Variants in NTRK1 observed in about 807,000 individuals in gnomAD.
NTRK1 encodes neurotrophic receptor tyrosine kinase 1.
In NTRK1, 62 loss-of-function variants were observed where a neutral mutation model predicts 86.8. The observed-to-expected ratio is 0.71, with a 90% CI of 0.58 to 0.88. NTRK1 has a LOEUF of 0.88. Among genes scored for constraint, NTRK1 ranks in the 40% least tolerant of loss-of-function variants. NTRK1 has a pLI of 0.00. For synonymous variants in NTRK1, 469 were observed against 456.6 expected (o/e 1.03, Z -0.35); for missense variants, 967 against 1,078.4 (o/e 0.90, Z 1.45).
intron 3 of NTRK1, chr1:156,865,159 T>C (rs1655866501): frequency 6.0e-6 from 2 of 333,232 alleles, no homozygotes; most frequent in Admixed American, 7.9e-5. Flanking sequence ...CAGGGACTCA[T>C]TGACTTGGCC....
upstream of NTRK1, chr1:156,858,642 T>C: frequency 6.2e-7 from 1 of 1,608,390 alleles, no homozygotes; most frequent in Non-Finnish European, 8.5e-7. Flanking sequence ...CTGGCTTGTG[T>C]CCAGTCCCGG....
intron 2 of NTRK1, chr1:156,851,503 A>G: frequency 1.9e-6 from 3 of 1,607,464 alleles, no homozygotes; most frequent in Non-Finnish European, 2.6e-6. Flanking sequence ...AAGGGGGCTG[A>G]ATGGGGGCCC....
rs1028927434 is a variant in NTRK1, at chr1:156,855,485, G to A, written c.51-8869G>A. Reference sequence around the variant, plus strand: ...CTCCCAAAGTGCTGGGATTACAGGCGTGAACCACCACGCCCGGCCTGAACA... The same window carrying A: ...CTCCCAAAGTGCTGGGATTACAGGCATGAACCACCACGCCCGGCCTGAACA... On this transcript the variant is annotated intron_variant, in intron 2 of 16. Coordinates refer to the NTRK1 transcript ENST00000392302. 3.9e-5 allele frequency among the ~76,000 whole-genome samples: 6 copies of A among 152,000 alleles called. No individual in the cohort carries two copies. In the South Asian group the frequency reaches 6.2e-4, roughly 16 times the overall value.
intron 1 of NTRK1, chr1:156,840,862 T>C: frequency 6.3e-7 from 1 of 1,597,948 alleles, no homozygotes; most frequent in Non-Finnish European, 8.6e-7. Flanking sequence ...AGCCAGGGAA[T>C]GAGGTGCCCC....
At chr1:156,839,602 C>T (rs1654701010) in intron 1 of NTRK1, among the ~76,000 whole-genome samples, 1 of 152,212 alleles carries the variant, frequency 6.6e-6, no homozygotes, top group Admixed American at 6.5e-5. Flanking sequence ...ACAGACCCTG[C>T]TCTGCTGTGT....
upstream of NTRK1, chr1:156,858,950 C>A: frequency 3.3e-6 from 1 of 300,906 alleles, no homozygotes; most frequent in Non-Finnish European, 6.4e-6. Flanking sequence ...AAAAGGCAGG[C>A]CGAGAGGCCA....
intron 2 of NTRK1, chr1:156,846,157 T>G: frequency 6.5e-7 from 1 of 1,536,686 alleles, no homozygotes; most frequent in Non-Finnish European, 8.8e-7. Context: ...GGGGTGTGGG[T>G]CTTCCTCCTG....
chr1:156,852,216 C>T (rs761358913), intron 2 of NTRK1: 26 of 1,557,146 alleles, frequency 1.7e-5, no homozygotes, highest in South Asian at 4.9e-5. Flanking sequence ...GTGTGTTAGA[C>T]GTTGGCCATG....
intron 2 of NTRK1, chr1:156,844,620 G>T (rs758475457): frequency 6.2e-7 from 1 of 1,614,176 alleles, no homozygotes; most frequent in Middle Eastern, 1.6e-4. Context: ...CAGCACTGTG[G>T]CCTCCTGAGA....
intron 2 of NTRK1, chr1:156,843,378 C>G (rs1005032066): frequency 6.3e-7 from 1 of 1,599,330 alleles, no homozygotes. Context: ...CTCTGCTCCT[C>G]TCCTGTCTCC....
intron 2 of NTRK1, chr1:156,845,233 G>T: frequency 6.2e-7 from 1 of 1,610,318 alleles, no homozygotes. Flanking sequence ...CCTGGATCTC[G>T]AAATCCGAGC....
At chr1:156,826,738 A>G (rs1394366169) in intron 1 of NTRK1, among the ~76,000 whole-genome samples, 1 of 152,190 alleles carries the variant, frequency 6.6e-6, no homozygotes, top group Non-Finnish European at 1.5e-5. Flanking sequence ...TTAAACCCAA[A>G]ACATGGACTC....
Position 156,854,594 on chromosome 1 carries a change from C to A in NTRK1, c.51-9760C>A, listed in dbSNP as rs570313884. ...TTCATTCTTGCAGTCAGGCTCCCAA[C>A]GACTGCAAGCGACTCCCAGCGACTT... is the stretch of plus-strand genomic sequence containing the variant. On this transcript the variant is annotated intron_variant, in intron 2 of 16. Coordinates refer to the NTRK1 transcript ENST00000392302. This position sits in a 1 kb window ranked among gnomAD's most constrained non-coding sequence, Gnocchi z 4.2. Among the ~76,000 whole-genome samples the A allele has an allele frequency of 3.9e-5, 6 of 152,204 alleles. No homozygotes were observed. Among genetic ancestry groups the A allele is most frequent in the Non-Finnish European group, 8.8e-5 (6 of 68,020 alleles).
At chr1:156,819,358 G>A (rs1157537688) in intron 1 of NTRK1, among the ~76,000 whole-genome samples, 1 of 151,914 alleles carries the variant, frequency 6.6e-6, no homozygotes, top group Non-Finnish European at 1.5e-5. Context: ...GCAGAAATAA[G>A]GTGGTATCTC....
intron 1 of NTRK1, among the ~76,000 whole-genome samples, chr1:156,862,246 G>A (rs1655686329): frequency 6.6e-6 from 1 of 152,172 alleles, no homozygotes; most frequent in Admixed American, 6.5e-5. Context: ...TTAACGGGAA[G>A]GCACTCAATC....
At chr1:156,851,697 C>T (rs1197082371) in intron 2 of NTRK1, 1 of 1,614,100 alleles carries the variant, frequency 6.2e-7, no homozygotes, top group Admixed American at 1.7e-5. Context: ...GTGCAGCCCA[C>T]AAGATCCTGT....
chr1:156,875,700 A>AGTGTGTGTGTGTGTGTGTGTGT (rs56185968), intron 12 of NTRK1, 34 bp downstream of exon 12: 1 of 1,245,540 alleles, frequency 8.0e-7, no homozygotes, highest in African/African-American at 1.5e-5. Context: ...GGCAGGGACG[A>AGTGTGTGTGTGTGTGTGTGTGT]GTGTGTGTGT....
Position 156,873,943 on chromosome 1 carries a change from C to T in NTRK1, c.1161C>T (p.Pro387=), listed in dbSNP as rs536619715. The change falls in exon 8 of 17, where the codon CCC becomes CCT. Residue 387 remains proline (P), a synonymous_variant. Transcript: ENST00000524377. The part of the protein sequence containing the change: ...AFMDNPFEFN[P]EDPIPVSFSP... ...TGGACAACCCTTTCGAGTTCAACCC[C>T]GAGGACCCCATCCCTGGTGCGAGGG... The T allele has an allele frequency of 1.3e-4, 202 of 1,553,868 alleles. No individual in the cohort carries two copies. Among genetic ancestry groups the T allele is most frequent in the Non-Finnish European group, 1.6e-4 (187 of 1,148,248 alleles).
At chr1:156,833,462 C>G (rs1462353951) in intron 1 of NTRK1, among the ~76,000 whole-genome samples, 1 of 151,960 alleles carries the variant, frequency 6.6e-6, no homozygotes, top group African/African-American at 2.4e-5. Flanking sequence ...GAGGCTGAGG[C>G]AGGAGAATTG....
Sources: gnomAD v4.1 joint callset for allele counts (sites outside exome capture counted in the v4.1 genomes callset) on GRCh38, gnomAD v4.1.1 for gene constraint, Gnocchi (gnomAD v3.1) non-coding constraint, MANE v1.5 for transcripts, NCBI Gene and HGNC (gene_info 2026-07-23, HGNC 2026-07-21) for gene names.